Variants in SORBS2 observed in about 807,000 individuals in gnomAD.
The protein encoded by SORBS2 is sorbin and SH3 domain containing 2, also known as sorbin and SH3 domain-containing protein 2.
A neutral mutation model predicts 97.7 loss-of-function variants in SORBS2; 46 were observed. The ratio of observed to expected loss-of-function variants is 0.47; its 90% CI spans 0.37 to 0.60. SORBS2 has a LOEUF of 0.60. SORBS2 is among the 20% of genes least tolerant of loss of function. The pLI, the probability that SORBS2 is intolerant of heterozygous loss-of-function variation, is 0.00. For missense variants in SORBS2, 1,316 were observed against 1,282.3 expected (o/e 1.03, Z -0.40); for synonymous variants, 476 against 473.4 (o/e 1.01, Z -0.07).
chr4:185,684,124 C>G lies in SORBS2; in HGVS notation c.-197-5302G>C, dbSNP rs1488292893. On this transcript the variant is annotated intron_variant, in intron 2 of 20. Coordinates refer to the SORBS2 transcript ENST00000284776. The surrounding 1 kb of genome is among the most constrained non-coding windows in gnomAD (Gnocchi z 4.2). ...CTTTGACCTTCTAACAGCTGCACCC[C>G]CTCCCAGTGCAGACTGTGCCTTAGG... is the stretch of plus-strand genomic sequence containing the variant. Among the ~76,000 whole-genome samples the G allele has an allele frequency of 1.3e-5, 2 of 152,128 alleles. No individual in the cohort carries two copies. The highest frequency in any genetic ancestry group is 3.9e-4 in the East Asian group (2 of 5,190).
At chr4:185,650,222 G>A (rs2097289702) in intron 2 of SORBS2, among the ~76,000 whole-genome samples, 1 of 152,130 alleles carries the variant, frequency 6.6e-6, no homozygotes, top group African/African-American at 2.4e-5. Flanking sequence ...AATTATGATG[G>A]AAAATAATTG....
At chr4:185,698,766 C>T (rs2098216140) in intron 2 of SORBS2, among the ~76,000 whole-genome samples, 1 of 152,128 alleles carries the variant, frequency 6.6e-6, no homozygotes, top group African/African-American at 2.4e-5. Context: ...ATTCCTTTTG[C>T]CCAATCACAG....
intron 6 of SORBS2, among the ~76,000 whole-genome samples, chr4:185,625,764 C>T (rs2096800207): frequency 6.6e-6 from 1 of 152,204 alleles, no homozygotes; most frequent in Non-Finnish European, 1.5e-5. Flanking sequence ...CACAGCTTTA[C>T]AAGGCCTTAA....
intron 1 of SORBS2, among the ~76,000 whole-genome samples, chr4:185,785,999 A>G (rs1266482650): frequency 6.6e-6 from 1 of 152,178 alleles, no homozygotes; most frequent in Non-Finnish European, 1.5e-5. Flanking sequence ...CATTACACGG[A>G]AAAAAATTAT....
intron 1 of SORBS2, among the ~76,000 whole-genome samples, chr4:185,842,326 AAG>A (rs2099212026): frequency 6.6e-6 from 1 of 152,174 alleles, no homozygotes; most frequent in South Asian, 2.1e-4. Flanking sequence ...TGGCTCAAGA[AAG>A]AGACTGGAGG....
chr4:185,878,871 C>T (rs990644100), intron 1 of SORBS2, among the ~76,000 whole-genome samples: 2 of 152,150 alleles, frequency 1.3e-5, no homozygotes, highest in South Asian at 2.1e-4. Context: ...CCCCACTTTC[C>T]GTGTGTGGCA....
At position 185,743,363 on chromosome 4, in the gene SORBS2, C is replaced by A. The variant is rs142771035; in HGVS notation, c.-198+31864G>T. On this transcript the variant is annotated intron_variant, in intron 2 of 20. Coordinates refer to the SORBS2 transcript ENST00000284776. ...ATTCCTGATAGGGCTATTAATTTTG[C>A]GCAGATTTCCCAATTTGCTCCCCAT... Among the ~76,000 whole-genome samples the A allele has an allele frequency of 1.3e-4, 20 of 152,188 alleles. No homozygotes were observed. In the South Asian group the frequency reaches 4.2e-3, roughly 32 times the overall value.
At chr4:185,730,361 C>T (rs1408909722) in intron 2 of SORBS2, among the ~76,000 whole-genome samples, 2 of 124,142 alleles carry the variant, frequency 1.6e-5, no homozygotes, top group East Asian at 4.7e-4. Context: ...TTCATTTAAT[C>T]ATCTGGAGAG....
intron 4 of SORBS2, among the ~76,000 whole-genome samples, chr4:185,664,525 G>A (rs1345539503): frequency 6.6e-6 from 1 of 152,194 alleles, no homozygotes; most frequent in Non-Finnish European, 1.5e-5. Flanking sequence ...CACACCTGCT[G>A]TGCTCCTGGT....
At chr4:185,741,554 A>G (rs1198625358) in intron 2 of SORBS2, among the ~76,000 whole-genome samples, 1 of 151,866 alleles carries the variant, frequency 6.6e-6, no homozygotes, top group Non-Finnish European at 1.5e-5. Context: ...TTTTTAGTAC[A>G]GATGGAGTTT....
chr4:185,759,957 C>T (rs2098861720), intron 2 of SORBS2, among the ~76,000 whole-genome samples: 1 of 152,164 alleles, frequency 6.6e-6, no homozygotes. Flanking sequence ...ATACTCTATG[C>T]CACAGCACTT....
chr4:185,713,673 A>G (rs952500417), intron 2 of SORBS2, among the ~76,000 whole-genome samples: 12 of 152,256 alleles, frequency 7.9e-5, no homozygotes, highest in Non-Finnish European at 4.4e-5. Flanking sequence ...ATGCAGAAAT[A>G]TTGCTGCTGT....
chr4:185,782,565 T>C (rs1179619386), intron 1 of SORBS2, among the ~76,000 whole-genome samples: 1 of 152,206 alleles, frequency 6.6e-6, no homozygotes, highest in African/African-American at 2.4e-5. Context: ...TGATTATTTA[T>C]AATGTAGTTT....
chr4:185,928,423 A>C (rs1368011074), intron 1 of SORBS2, among the ~76,000 whole-genome samples: 1 of 152,124 alleles, frequency 6.6e-6, no homozygotes, highest in African/African-American at 2.4e-5. Context: ...AAAAGAAAAC[A>C]TATTTCTTCT....
chr4:185,747,611 G>A (rs1312064965), intron 2 of SORBS2, among the ~76,000 whole-genome samples: 1 of 152,152 alleles, frequency 6.6e-6, no homozygotes, highest in African/African-American at 2.4e-5. Flanking sequence ...TCCCCACTGT[G>A]GCCCTGGACA....
intron 2 of SORBS2, among the ~76,000 whole-genome samples, chr4:185,724,618 A>G (rs1318623213): frequency 2.6e-5 from 4 of 152,084 alleles, no homozygotes; most frequent in Non-Finnish European, 5.9e-5. Flanking sequence ...TGAGAGGTCA[A>G]CTTCTAACAA....
chr4:185,794,800 G>A (rs1346136631), intron 1 of SORBS2, among the ~76,000 whole-genome samples: 1 of 151,874 alleles, frequency 6.6e-6, no homozygotes, highest in Non-Finnish European at 1.5e-5. Flanking sequence ...GGGTCAGGGT[G>A]ATGGTGTCTG....
rs889280521 is a variant in SORBS2 at position 185,623,719 on chromosome 4, C to T, written c.1410G>A (p.Arg470=). ...CGTTAGACTGGCAGCCTCGCCGGCC[C>T]CGAGCGGGGGGGCCGCTTTGATTTT... Residue 470 remains arginine (R), a synonymous_variant, in exon 7 of 15, where the codon CGG becomes CGA. Coordinates refer to ENST00000418609, the Ensembl canonical transcript of SORBS2. The surrounding 1 kb of genome is among the most constrained non-coding windows in gnomAD (Gnocchi z 6.4). The T allele has an allele frequency of 6.2e-7, 1 of 1,613,854 alleles. No homozygotes were observed. The highest frequency in any genetic ancestry group is 1.7e-5 in the Admixed American group (1 of 60,008).
chr4:185,678,494 A>G (rs991265811), exon 4 of SORBS2: 1 of 1,550,388 alleles, frequency 6.4e-7, no homozygotes, highest in African/African-American at 1.4e-5. Flanking sequence ...AGAGAGGAAT[A>G]TGTAGCATCT....
Sources: gnomAD v4.1 joint callset for allele counts (sites outside exome capture counted in the v4.1 genomes callset) on GRCh38, gnomAD v4.1.1 for gene constraint, Gnocchi (gnomAD v3.1) non-coding constraint, MANE v1.5 for transcripts, NCBI Gene and HGNC (gene_info 2026-07-23, HGNC 2026-07-21) for gene names.